The following ZNF185 variants were observed in gnomAD, a reference collection of about 807,000 sequenced individuals.
ZNF185 encodes the protein zinc finger protein 185.
In ZNF185, 56 loss-of-function variants were observed where a neutral mutation model predicts 58.6. That is an observed-to-expected ratio of 0.95 (90% confidence interval 0.77 to 1.19). ZNF185 has a LOEUF of 1.19. Among genes scored for constraint, ZNF185 ranks in the 50% most tolerant of loss-of-function variants. ZNF185 has a pLI of 0.00. For missense variants in ZNF185, 627 were observed against 573.5 expected (o/e 1.09, Z -0.95); for synonymous variants, 230 against 215.9 (o/e 1.07, Z -0.57).
rs1261877809 is a variant in ZNF185 at position 152,940,078 on chromosome X, T to C, written c.1211+1915T>C. On this transcript the variant is annotated intron_variant, in intron 15 of 22. Coordinates refer to ENST00000449285, the Ensembl canonical transcript of ZNF185. Reference sequence around the variant, plus strand: ...GATTACAGGCGTGAGCCACTGTGCCTGGCCAATACAAACTTTCTTGATTAC... The same window carrying C: ...GATTACAGGCGTGAGCCACTGTGCCCGGCCAATACAAACTTTCTTGATTAC... Among the ~76,000 whole-genome samples, 4 of 111,745 alleles carry C rather than the reference T, an allele frequency of 3.6e-5. No homozygotes were observed. The East Asian group carries it at 8.4e-4, about 23-fold the overall frequency.
chrX:152,938,289 C>G (rs782528792), intron 15 of ZNF185, 126 bp downstream of exon 17: 9 of 628,337 alleles, frequency 1.4e-5, no homozygotes, highest in Non-Finnish European at 2.2e-5. Context: ...AGGCACATAG[C>G]AAGGGCAGAA....
chrX:152,941,302 G>A (rs1159858334), intron 15 of ZNF185, among the ~76,000 whole-genome samples: 1 of 111,958 alleles, frequency 8.9e-6, no homozygotes, highest in Non-Finnish European at 1.9e-5. Flanking sequence ...GTCAAAACTG[G>A]GAGTGGGAGA....
At chrX:152,967,133 T>C (rs2050196447) in intron 19 of ZNF185, 34 bp from the exon 22 acceptor site, 1 of 1,186,517 alleles carries the variant, frequency 8.4e-7, no homozygotes, top group Admixed American at 2.2e-5. Context: ...GGCTCTCATC[T>C]CTGCCCTCCT....
intron 16 of ZNF185, 87 bp downstream of exon 18, chrX:152,945,551 C>T: frequency 9.8e-7 from 1 of 1,017,365 alleles, no homozygotes; most frequent in South Asian, 2.3e-5. Flanking sequence ...CTTCCCCACA[C>T]CCTGTGCCAA....
chrX:152,941,719 G>A (rs1458333727), intron 15 of ZNF185: 2 of 1,164,524 alleles, frequency 1.7e-6, no homozygotes, highest in African/African-American at 3.5e-5. Context: ...ATGGCCGCCC[G>A]GGACGAGCTC....
At chrX:152,905,476 C>G in the ZNF185 span, among the ~76,000 whole-genome samples, 3 of 111,760 alleles carry the variant, frequency 2.7e-5, no homozygotes, top group African/African-American at 9.8e-5. Context: ...TGGGAGGGCC[C>G]TTACTCAGAG....
chrX:152,909,878 T>A (rs1453677826), upstream of ZNF185, among the ~76,000 whole-genome samples: 1 of 108,226 alleles, frequency 9.2e-6, no homozygotes, highest in Non-Finnish European at 1.9e-5. Flanking sequence ...CCATCCTTCC[T>A]AGGCACTGCT....
chrX:152,916,693 G>A (rs1418564037), intron 3 of ZNF185, among the ~76,000 whole-genome samples: 1 of 112,633 alleles, frequency 8.9e-6, no homozygotes, highest in African/African-American at 3.2e-5. Flanking sequence ...GCTGTTGAGG[G>A]AGATCAGGTC....
At chrX:152,969,179 T>G (rs1169261859) in intron 20 of ZNF185, among the ~76,000 whole-genome samples, 1 of 112,010 alleles carries the variant, frequency 8.9e-6, no homozygotes, top group Non-Finnish European at 1.9e-5. Flanking sequence ...CATGACTAGT[T>G]TTTGGAAATA....
At chrX:152,969,318 G>T in intron 20 of ZNF185, 64 bp from the exon 23 acceptor site, 1 of 983,526 alleles carries the variant, frequency 1.0e-6, no homozygotes, top group Non-Finnish European at 1.4e-6. Context: ...GGAAGGTCTG[G>T]CTGTGTCACA....
At chrX:152,928,461 T>C in intron 11 of ZNF185, 114 bp from the exon 13 acceptor site, 1 of 739,720 alleles carries the variant, frequency 1.4e-6, no homozygotes, top group Non-Finnish European at 2.0e-6. Context: ...AAGGAGGAGA[T>C]GAGAGCACAT....
intron 15 of ZNF185, among the ~76,000 whole-genome samples, chrX:152,938,888 AACTCAGGCGATCT>A (rs1278260211): frequency 2.3e-5 from 2 of 87,729 alleles, no homozygotes; most frequent in Non-Finnish European, 4.5e-5. Flanking sequence ...TGGAAAAGGC[AACTCAGGCGATCT>A]CCTCTAAAGA....
rs1556908500 is a variant in ZNF185 at position 152,959,760 on chromosome X, A to G, written c.1471A>G (p.Arg491Gly). The change falls in exon 17 of 23, where the codon AGG becomes GGG. Residue 491 changes from arginine (R) to glycine (G), a missense_variant. Transcript: ENST00000449285. ...CAAGGTCGGAGAGGCCTGGCAGGAC[A>G]GGCCTGGAGCCCCAAGAGGTGGCCA... The G allele has an allele frequency of 2.5e-6, 3 of 1,210,431 alleles. No individual in the cohort carries two copies. In the African/African-American group the frequency reaches 5.2e-5, roughly 21 times the overall value.
At chrX:152,917,075 T>C in intron 3 of ZNF185, 56 bp from the exon 5 acceptor site, 1 of 1,203,386 alleles carries the variant, frequency 8.3e-7, no homozygotes, top group African/African-American at 1.7e-5. Context: ...TAAAGTAGGA[T>C]GACCTCAGCC....
At chrX:152,915,309 A>T in intron 3 of ZNF185, 106 bp downstream of exon 4, 1 of 828,943 alleles carries the variant, frequency 1.2e-6, no homozygotes, top group Non-Finnish European at 1.7e-6. Flanking sequence ...GGGGACAGGG[A>T]TGCAGCCCCA....
intron 17 of ZNF185, among the ~76,000 whole-genome samples, chrX:152,961,217 C>G (rs927763503): frequency 8.9e-6 from 1 of 111,992 alleles, no homozygotes; most frequent in Admixed American, 9.5e-5. Flanking sequence ...CCTTCACTCT[C>G]CTGCCATGAT....
intron 17 of ZNF185, among the ~76,000 whole-genome samples, chrX:152,961,646 GC>G (rs782379045): frequency 1.8e-5 from 2 of 112,224 alleles, no homozygotes; most frequent in South Asian, 7.4e-4. Flanking sequence ...GATGGCTAAG[GC>G]CCCATCCAGC....
In ZNF185 at chrX:152,922,168, C is replaced by T. The variant is rs1556869899; in HGVS notation, c.657-5C>T. 1 of 1,192,174 alleles carries T rather than the reference C, an allele frequency of 8.4e-7. No homozygotes were observed. Among genetic ancestry groups the T allele is most frequent in the East Asian group, 3.0e-5 (1 of 32,962 alleles). ...CACGAGCGCTGTTTCTCTTCTTGCTCAAAGGGTGGAGGTGGTGGAAGAGGA... is the reference window on the plus strand; with the variant it reads ...CACGAGCGCTGTTTCTCTTCTTGCTTAAAGGGTGGAGGTGGTGGAAGAGGA... On this transcript the variant is annotated splice_polypyrimidine_tract_variant and splice_region_variant and intron_variant, in intron 9 of 22. Transcript: ENST00000449285.
intron 7 of ZNF185, among the ~76,000 whole-genome samples, chrX:152,920,098 A>G: frequency 8.8e-6 from 1 of 113,429 alleles, no homozygotes; most frequent in East Asian, 2.8e-4. Context: ...GGATGTTGGC[A>G]TCTGGCGCAG....
Sources: allele counts gnomAD v4.1 joint callset (sites outside exome capture counted in the v4.1 genomes callset), GRCh38; gene constraint gnomAD v4.1.1; transcripts MANE v1.5; gene names NCBI Gene and HGNC (gene_info 2026-07-23, HGNC 2026-07-21).